Variants in IGSF21 observed in about 807,000 individuals in gnomAD.
The protein encoded by IGSF21 is immunoglobulin superfamily member 21.
A neutral mutation model predicts 46.8 loss-of-function variants in IGSF21; 28 were observed. The ratio of observed to expected loss-of-function variants is 0.60; its 90% CI spans 0.44 to 0.82. IGSF21 has a LOEUF of 0.82. Among genes scored for constraint, IGSF21 ranks in the 40% least tolerant of loss-of-function variants. The pLI is 0.00. For synonymous variants in IGSF21, 284 were observed against 273.6 expected (o/e 1.04, Z -0.38); for missense variants, 624 against 665.5 (o/e 0.94, Z 0.69).
At chr1:18,185,497 G>A (rs907382102) in intron 1 of IGSF21, among the ~76,000 whole-genome samples, 3 of 152,204 alleles carry the variant, frequency 2.0e-5, no homozygotes, top group Non-Finnish European at 4.4e-5. Flanking sequence ...GCATCACTCA[G>A]GCATTGCTCG....
intron 4 of IGSF21, among the ~76,000 whole-genome samples, chr1:18,356,083 C>T (rs2086015180): frequency 6.6e-6 from 1 of 152,156 alleles, no homozygotes; most frequent in African/African-American, 2.4e-5. Flanking sequence ...GATCCACTTT[C>T]CTCAGCCTCC....
intron 1 of IGSF21, among the ~76,000 whole-genome samples, chr1:18,184,793 G>A (rs1227750389): frequency 6.6e-6 from 1 of 152,184 alleles, no homozygotes; most frequent in East Asian, 1.9e-4. Context: ...TATATGGAAT[G>A]TGTGCCCTGT....
chr1:18,304,403 C>T (rs2124578508), intron 3 of IGSF21, among the ~76,000 whole-genome samples: 1 of 152,268 alleles, frequency 6.6e-6, no homozygotes, highest in South Asian at 2.1e-4. Flanking sequence ...AGCCACCATC[C>T]CCTCCAGACT....
chr1:18,177,015 T>C (rs1361957148), intron 1 of IGSF21, among the ~76,000 whole-genome samples: 1 of 152,160 alleles, frequency 6.6e-6, no homozygotes, highest in Non-Finnish European at 1.5e-5. Flanking sequence ...CTTTAACAGA[T>C]GAGGACACAG....
chr1:18,287,720 G>A (rs957036977), intron 2 of IGSF21, among the ~76,000 whole-genome samples: 3 of 152,154 alleles, frequency 2.0e-5, no homozygotes, highest in Non-Finnish European at 4.4e-5. Context: ...CTCACTCAGG[G>A]CATCCCTGCA....
At chr1:18,289,425 G>C (rs2085245942) in intron 2 of IGSF21, among the ~76,000 whole-genome samples, 1 of 152,226 alleles carries the variant, frequency 6.6e-6, no homozygotes, top group Non-Finnish European at 1.5e-5. Flanking sequence ...CTTCCAGCCT[G>C]ATGGGATGGG....
intron 1 of IGSF21, among the ~76,000 whole-genome samples, chr1:18,132,241 A>G (rs902935810): frequency 1.3e-5 from 2 of 152,088 alleles, no homozygotes; most frequent in African/African-American, 4.8e-5. Context: ...CCTATGACCT[A>G]TGACCTATGA....
chr1:18,305,906 T>A (rs1338691057), intron 3 of IGSF21, among the ~76,000 whole-genome samples: 1 of 152,150 alleles, frequency 6.6e-6, no homozygotes, highest in Non-Finnish European at 1.5e-5. Flanking sequence ...AGGTCACATA[T>A]CCCAGTAGCG....
At chr1:18,131,753 C>A (rs1376226876) in intron 1 of IGSF21, among the ~76,000 whole-genome samples, 1 of 152,162 alleles carries the variant, frequency 6.6e-6, no homozygotes, top group Non-Finnish European at 1.5e-5. Context: ...TTCTGGGGCA[C>A]ATAGTCCTTT....
chr1:18,285,977 G>A (rs903938256), intron 2 of IGSF21, among the ~76,000 whole-genome samples: 7 of 152,124 alleles, frequency 4.6e-5, no homozygotes, highest in African/African-American at 1.2e-4. Context: ...ATTCTCACAC[G>A]TGTGCCTTAC....
chr1:18,312,070 C>T (rs1042841846), intron 3 of IGSF21, among the ~76,000 whole-genome samples: 2 of 152,138 alleles, frequency 1.3e-5, no homozygotes, highest in African/African-American at 2.4e-5. Flanking sequence ...TTCTCCGTAG[C>T]GTGTATCTCT....
At chr1:18,227,819 C>A in intron 1 of IGSF21, 79 bp from the exon 2 acceptor site, 1 of 980,410 alleles carries the variant, frequency 1.0e-6, no homozygotes, top group African/African-American at 1.6e-5. Flanking sequence ...TGTCTGCTGT[C>A]TCCCTGGCCC....
intron 3 of IGSF21, among the ~76,000 whole-genome samples, chr1:18,313,000 G>C (rs2085503469): frequency 1.3e-5 from 2 of 152,212 alleles, no homozygotes; most frequent in Non-Finnish European, 2.9e-5. Context: ...CAGGGGCTCA[G>C]GAATGTGGCC....
intron 2 of IGSF21, among the ~76,000 whole-genome samples, chr1:18,277,818 A>G (rs1337411974): frequency 6.6e-6 from 1 of 152,228 alleles, no homozygotes; most frequent in Admixed American, 6.5e-5. Context: ...ATTCTAGAAC[A>G]GGATAAAATG....
intron 4 of IGSF21, among the ~76,000 whole-genome samples, chr1:18,340,694 T>C (rs996049047): frequency 4.6e-5 from 7 of 152,164 alleles, no homozygotes; most frequent in Admixed American, 1.3e-4. Context: ...AAGGTGTCAG[T>C]AGGGCCATGC....
chr1:18,316,103 A>G (rs1466898342), intron 3 of IGSF21, among the ~76,000 whole-genome samples: 1 of 152,198 alleles, frequency 6.6e-6, no homozygotes, highest in East Asian at 1.9e-4. Flanking sequence ...CAAGACCCAG[A>G]GCCAACCTCA....
At chr1:18,317,793 CG>C (rs2085558157) in intron 3 of IGSF21, among the ~76,000 whole-genome samples, 1 of 152,204 alleles carries the variant, frequency 6.6e-6, no homozygotes, top group Admixed American at 6.5e-5. Flanking sequence ...GTGCTAACTA[CG>C]GGGCAGGCAC....
chr1:18,311,946 G>GCTCC (rs1011435888), intron 3 of IGSF21, among the ~76,000 whole-genome samples: 7 of 152,184 alleles, frequency 4.6e-5, no homozygotes, highest in African/African-American at 1.7e-4. Context: ...AACAATATCA[G>GCTCC]CTCCCTCCTC....
At chr1:18,271,097 G>A (rs2085038436) in intron 2 of IGSF21, among the ~76,000 whole-genome samples, 3 of 152,176 alleles carry the variant, frequency 2.0e-5, no homozygotes, top group Admixed American at 2.0e-4. Context: ...AGAGACAGCT[G>A]CTCGCAGAGC....
Sources: allele counts gnomAD v4.1 joint callset (sites outside exome capture counted in the v4.1 genomes callset), GRCh38; gene constraint gnomAD v4.1.1; transcripts MANE v1.5; gene names NCBI Gene and HGNC (gene_info 2026-07-23, HGNC 2026-07-21).